JAKMIP1: variants seen among roughly 807,000 people sequenced by gnomAD.
JAKMIP1 encodes janus kinase and microtubule-interacting protein 1.
JAKMIP1 carries 33 observed loss-of-function variants against 113.0 expected under a neutral mutation model. The ratio of observed to expected loss-of-function variants is 0.29; its 90% CI spans 0.22 to 0.39. The LOEUF (loss-of-function observed/expected upper bound fraction) is 0.39, where lower values mean the gene tolerates loss of function less well. Among genes scored for constraint, JAKMIP1 ranks in the 10% least tolerant of loss-of-function variants. The pLI is 1.00. For missense variants in JAKMIP1, 813 were observed against 1,080.5 expected, an observed-to-expected ratio of 0.75 and a Z score of 3.47; for synonymous variants, 480 against 459.9, an observed-to-expected ratio of 1.04 and a Z score of -0.56.
Position 6,153,159 on chromosome 4 carries a change from T to C in JAKMIP1, c.-147-40162A>G, listed in dbSNP as rs7680135. ...CAGCCAAGGCTTCAAAATCAAGCTC[T>C]ACCAGACTCTCCTGGCATCCAGCTC... On this transcript the variant is annotated intron_variant, in intron 1 of 20. Transcript: ENST00000409021. This position sits in a 1 kb window ranked among gnomAD's most constrained non-coding sequence, Gnocchi z 4.9. Among the ~76,000 whole-genome samples, 30,389 of 152,062 alleles carry C rather than the reference T, an allele frequency of 0.2. 3,553 individuals carry two copies. Among genetic ancestry groups the C allele is most frequent in the African/African-American group, 0.32 (13,148 of 41,460 alleles).
rs1578142362 is a variant in JAKMIP1, at chr4:6,067,812, T to A, written c.1303-2804A>T. ...CTTCTGCACACGCAGGTCACCCCCC[T>A]GAGCTCCACGTTCACTCAAGCTCTT... is the stretch of plus-strand genomic sequence containing the variant. On this transcript the variant is annotated intron_variant, in intron 8 of 20. Transcript: ENST00000409021. This position sits in a 1 kb window ranked among gnomAD's most constrained non-coding sequence, Gnocchi z 4.6. 6.7e-6 allele frequency among the ~76,000 whole-genome samples: 1 copy of A among 148,206 alleles called. No individual in the cohort carries two copies. The highest frequency in any genetic ancestry group is 2.0e-4 in the East Asian group (1 of 4,976).
rs1725792683 is a variant in JAKMIP1, at chr4:6,179,628, C to A, written c.-148+20625G>T. On this transcript the variant is annotated intron_variant, in intron 1 of 20. Transcript: ENST00000409021. The surrounding 1 kb of genome is among the most constrained non-coding windows in gnomAD (Gnocchi z 4.5). ...CAGAGAACAAGGGAAGGGAAGTGGCCCAGCAGTGGCCCTGAGTCAGGCTGC... is the reference window on the plus strand; with the variant it reads ...CAGAGAACAAGGGAAGGGAAGTGGCACAGCAGTGGCCCTGAGTCAGGCTGC... Among the ~76,000 whole-genome samples the A allele has an allele frequency of 6.6e-6, 1 of 152,208 alleles. No individual in the cohort carries two copies.
chr4:6,180,181 A>G lies in JAKMIP1; in HGVS notation c.-148+20072T>C, dbSNP rs543286039. On this transcript the variant is annotated intron_variant, in intron 1 of 20. Coordinates refer to ENST00000409021, the MANE Select transcript of JAKMIP1 (RefSeq NM_001099433.2). The surrounding 1 kb of genome is among the most constrained non-coding windows in gnomAD (Gnocchi z 4.5). The stretch of plus-strand genomic sequence containing the variant: ...TACCCCAGTTCATGAAATGCTTCCA[A>G]TATCAGAAAACCACCAACTTCAATT... Among the ~76,000 whole-genome samples the G allele has an allele frequency of 6.6e-6, 1 of 152,216 alleles. No homozygotes were observed. The highest frequency in any genetic ancestry group is 6.5e-5 in the Admixed American group (1 of 15,278).
At position 6,141,773 on chromosome 4, in the gene JAKMIP1, G is replaced by T. The variant is rs2108962502; in HGVS notation, c.-147-28776C>A. On this transcript the variant is annotated intron_variant, in intron 1 of 20. Transcript: ENST00000409021. The surrounding 1 kb of genome is among the most constrained non-coding windows in gnomAD (Gnocchi z 9.4). ...GACACTGATGCCGAGGATGCTGACTGTCCACTCTTCGGCAACCTCCCTGGC... is the reference window on the plus strand; with the variant it reads ...GACACTGATGCCGAGGATGCTGACTTTCCACTCTTCGGCAACCTCCCTGGC... Among the ~76,000 whole-genome samples the T allele has an allele frequency of 6.6e-6, 1 of 152,338 alleles. No homozygotes were observed.
chr4:6,135,230 G>C lies in JAKMIP1; in HGVS notation c.-147-22233C>G, dbSNP rs1165777739. On this transcript the variant is annotated intron_variant, in intron 1 of 20. Coordinates refer to ENST00000409021, the MANE Select transcript of JAKMIP1 (RefSeq NM_001099433.2). The surrounding 1 kb of genome is among the most constrained non-coding windows in gnomAD (Gnocchi z 4.9). ...GGAGACAAGGTCTTTATGGAGGTAA[G>C]TTAGGTAAAATGGGGCTGTGGATTA... 6.6e-6 allele frequency among the ~76,000 whole-genome samples: 1 copy of C among 152,194 alleles called. No individual in the cohort carries two copies. The highest frequency in any genetic ancestry group is 2.4e-5 in the African/African-American group (1 of 41,456).
chr4:6,083,079 C>T (rs1720820383), intron 5 of JAKMIP1, among the ~76,000 whole-genome samples: 1 of 152,004 alleles, frequency 6.6e-6, no homozygotes, highest in Non-Finnish European at 1.5e-5. Context: ...ATTTAAGAAC[C>T]ACTCCAAACT....
In JAKMIP1 at chr4:6,080,649, CAAGT is replaced by C. The variant is rs1402999401; in HGVS notation, c.1102-341_1102-338del. On this transcript the variant is annotated intron_variant, in intron 6 of 20. Transcript: ENST00000409021. The surrounding 1 kb of genome is among the most constrained non-coding windows in gnomAD (Gnocchi z 6.0). ...GCTCTCAGTCTGTCTTGTCTGCCGC[CAAGT>C]AAGATGTGCCTTTAGCTTTCTGCCA... is the stretch of plus-strand genomic sequence containing the variant. Among the ~76,000 whole-genome samples the C allele has an allele frequency of 2.0e-5, 3 of 152,110 alleles. No homozygotes were observed. Among genetic ancestry groups the C allele is most frequent in the Non-Finnish European group, 4.4e-5 (3 of 68,036 alleles).
chr4:6,178,336 C>A lies in JAKMIP1; in HGVS notation c.-148+21917G>T, dbSNP rs891871296. ...CCTCTTGAATTGTAGTTCCCATAAT[C>A]CCCATGTGTGGTGGGAGGGACCTCT... On this transcript the variant is annotated intron_variant, in intron 1 of 20. Transcript: ENST00000409021. This position sits in a 1 kb window ranked among gnomAD's most constrained non-coding sequence, Gnocchi z 5.5. Among the ~76,000 whole-genome samples, 1 of 152,188 alleles carries A rather than the reference C, an allele frequency of 6.6e-6. No homozygotes were observed. The highest frequency in any genetic ancestry group is 1.5e-5 in the Non-Finnish European group (1 of 68,046).
In JAKMIP1 at chr4:6,116,424, G is replaced by A. The variant is rs139446680; in HGVS notation, c.-147-3427C>T. The stretch of plus-strand genomic sequence containing the variant: ...AGGAGCACAGCACTGGCTCAGCGCC[G>A]CAGGCTGGAGGATGACTGCTCAGGA... On this transcript the variant is annotated intron_variant, in intron 1 of 20. Transcript: ENST00000409021. The surrounding 1 kb of genome is among the most constrained non-coding windows in gnomAD (Gnocchi z 5.1). Among the ~76,000 whole-genome samples, 310 of 152,170 alleles carry A rather than the reference G, an allele frequency of 2.0e-3. No individual in the cohort carries two copies. The highest frequency in any genetic ancestry group is 3.8e-3 in the Non-Finnish European group (257 of 68,014).
At chr4:6,026,840 C>T (rs894246572) in intron 20 of JAKMIP1, among the ~76,000 whole-genome samples, 1 of 150,106 alleles carries the variant, frequency 6.7e-6, no homozygotes, top group South Asian at 2.1e-4. Flanking sequence ...TGTAAACTTT[C>T]TTAAAACATT....
rs66847255 is a variant in JAKMIP1, at chr4:6,193,753, G to A, written c.-148+6500C>T. Reference sequence around the variant, plus strand: ...CCCCAGCACGATGCTGATCATGGGAGGCTGAACTGATGCATTAGTGAGCAG... The same window carrying A: ...CCCCAGCACGATGCTGATCATGGGAAGCTGAACTGATGCATTAGTGAGCAG... On this transcript the variant is annotated intron_variant, in intron 1 of 20. Coordinates refer to ENST00000409021, the MANE Select transcript of JAKMIP1 (RefSeq NM_001099433.2). The surrounding 1 kb of genome is among the most constrained non-coding windows in gnomAD (Gnocchi z 6.4). 0.074 allele frequency among the ~76,000 whole-genome samples: 11,212 copies of A among 152,246 alleles called. 431 individuals are homozygous for A. The highest frequency in any genetic ancestry group is 0.087 in the African/African-American group (3,609 of 41,550).
chr4:6,075,987 G>A (rs1397593186), intron 8 of JAKMIP1, among the ~76,000 whole-genome samples: 1 of 152,156 alleles, frequency 6.6e-6, no homozygotes, highest in Non-Finnish European at 1.5e-5. Context: ...GATCAGCCTG[G>A]CCAACATGGT....
At chr4:6,171,016 C>T (rs1724578164) in intron 1 of JAKMIP1, among the ~76,000 whole-genome samples, 1 of 151,240 alleles carries the variant, frequency 6.6e-6, no homozygotes, top group Non-Finnish European at 1.5e-5. Context: ...ACTGCCATCA[C>T]CATAATCACC....
Position 6,040,514 on chromosome 4 carries a change from G to A in JAKMIP1, c.2175+125C>T. The A allele has an allele frequency of 1.4e-6, 1 of 725,548 alleles. No individual in the cohort carries two copies. The highest frequency in any genetic ancestry group is 2.5e-6 in the Non-Finnish European group (1 of 393,894). 44.9% of individuals were successfully genotyped at this position (725,548 alleles called of 1,614,324 possible). A position where few individuals can be genotyped will look rare whatever the true frequency, so the allele number is the denominator to read the frequency against. On this transcript the variant is annotated intron_variant, in intron 18 of 20. Transcript: ENST00000409021. This position sits in a 1 kb window ranked among gnomAD's most constrained non-coding sequence, Gnocchi z 5.8. ...GTCATTCCAGTCACAAGGTGGAGAT[G>A]GCATTTTTATCACTCCTGTTTGGCA...
At chr4:6,074,219 C>T (rs996667478) in intron 8 of JAKMIP1, among the ~76,000 whole-genome samples, 1 of 152,242 alleles carries the variant, frequency 6.6e-6, no homozygotes, top group African/African-American at 2.4e-5. Context: ...AAGGTGGACA[C>T]CCTCTGCTTT....
chr4:6,062,506 T>C lies in JAKMIP1; in HGVS notation c.1432-66A>G, dbSNP rs1306365607. 14 of 1,516,858 alleles carry C rather than the reference T, an allele frequency of 9.2e-6. No homozygotes were observed. In the Admixed American group the frequency reaches 2.5e-4, roughly 27 times the overall value. The allele number at this position is 1,516,858 out of a possible 1,614,324, so 94.0% of individuals were successfully genotyped here. On this transcript the variant is annotated intron_variant, in intron 9 of 20. Transcript: ENST00000409021. ...ATTACAATAATAAATGATTTATGAT[T>C]GATTTTAATAATAAACATAAATAAA...
rs1026663922 is a variant in JAKMIP1 at position 6,192,235 on chromosome 4, G to A, written c.-148+8018C>T. 2.0e-5 allele frequency among the ~76,000 whole-genome samples: 3 copies of A among 152,060 alleles called. No individual in the cohort carries two copies. The highest frequency in any genetic ancestry group is 4.1e-4 in the South Asian group (2 of 4,826). On this transcript the variant is annotated intron_variant, in intron 1 of 20. Transcript: ENST00000409021. This position sits in a 1 kb window ranked among gnomAD's most constrained non-coding sequence, Gnocchi z 5.0. ...GGCGTGAGCCACCGCGCCTGGCCAG[G>A]GTGTATTTTTCACTCACAGTCCATC...
rs11943701 is a variant in JAKMIP1, at chr4:6,192,756, G to A, written c.-148+7497C>T. On this transcript the variant is annotated intron_variant, in intron 1 of 20. Transcript: ENST00000409021. The surrounding 1 kb of genome is among the most constrained non-coding windows in gnomAD (Gnocchi z 5.0). ...TGCTTGATTCTAGCTTCTGGGGAGG[G>A]GAAATGAGAATAAAATCATTTCAGA... 0.84 allele frequency among the ~76,000 whole-genome samples: 127,174 copies of A among 152,084 alleles called. 54,848 individuals are homozygous for A. The highest frequency in any genetic ancestry group is 1 in the East Asian group (5,143 of 5,150).
rs762915914 is a variant in JAKMIP1, at chr4:6,050,628, C to T, written c.1858G>A (p.Glu620Lys). ...AFNLQITTFP[E>K]NHSSALQLFC... ...AGCTGGAGAGCGCTGCTGTGGTTCT[C>T]GGGGAAGGTGGTGATTTGGAGGTTA... Residue 620 changes from glutamate (E) to lysine (K), a missense_variant, in exon 14 of 21, where the codon GAG (glutamate) becomes AAG (lysine). Transcript: ENST00000409021. This position sits in a 1 kb window ranked among gnomAD's most constrained non-coding sequence, Gnocchi z 7.4. 14 of 1,576,516 alleles carry T rather than the reference C, an allele frequency of 8.9e-6. No homozygotes were observed. In the South Asian group the frequency reaches 1.2e-4, roughly 13 times the overall value.
Sources: gnomAD v4.1 joint callset for allele counts (sites outside exome capture counted in the v4.1 genomes callset) on GRCh38, gnomAD v4.1.1 for gene constraint, Gnocchi (gnomAD v3.1) non-coding constraint, MANE v1.5 for transcripts, NCBI Gene and HGNC (gene_info 2026-07-23, HGNC 2026-07-21) for gene names.